The following CTNNA2 variants were observed in gnomAD, a reference collection of about 807,000 sequenced individuals.
The protein encoded by CTNNA2 is catenin alpha-2.
A neutral mutation model predicts 101.0 loss-of-function variants in CTNNA2; 42 were observed. The ratio of observed to expected loss-of-function variants is 0.42; its 90% CI spans 0.32 to 0.54. The LOEUF (loss-of-function observed/expected upper bound fraction) is 0.54. Among genes scored for constraint, CTNNA2 ranks in the 20% least tolerant of loss-of-function variants. CTNNA2 has a pLI of 0.14. For missense variants in CTNNA2, 871 were observed against 1,223.1 expected (o/e 0.71, Z 4.29); for synonymous variants, 450 against 456.4 (o/e 0.99, Z 0.18).
At chr2:80,151,407 G>A (rs1278901693) in intron 7 of CTNNA2, among the ~76,000 whole-genome samples, 1 of 152,122 alleles carries the variant, frequency 6.6e-6, no homozygotes, top group Non-Finnish European at 1.5e-5. Flanking sequence ...CTAATGACAA[G>A]CTATTGCTTC....
At chr2:80,599,004 T>C (rs1335301776) in intron 15 of CTNNA2, among the ~76,000 whole-genome samples, 1 of 152,144 alleles carries the variant, frequency 6.6e-6, no homozygotes, top group Non-Finnish European at 1.5e-5. Context: ...ATATTCCCTA[T>C]GGATTTTACC....
intron 8 of CTNNA2, among the ~76,000 whole-genome samples, chr2:80,394,547 C>G (rs1053673198): frequency 1.3e-5 from 2 of 152,174 alleles, no homozygotes; most frequent in African/African-American, 4.8e-5. Context: ...ATGGCCAGGT[C>G]TCTATCTCTT....
chr2:80,581,951 A>T, intron 14 of CTNNA2, 132 bp downstream of exon 14: 1 of 607,432 alleles, frequency 1.6e-6, no homozygotes, highest in Non-Finnish European at 3.0e-6. Flanking sequence ...CTCTCATCTG[A>T]GGTTGTTTAT....
intron 13 of CTNNA2, among the ~76,000 whole-genome samples, chr2:80,580,359 T>C (rs1197291838): frequency 1.3e-5 from 2 of 152,166 alleles, no homozygotes; most frequent in Non-Finnish European, 2.9e-5. Flanking sequence ...TTGGAAAGGA[T>C]CTTGATCTAA....
chr2:80,322,421 AC>A (rs1283121468), intron 7 of CTNNA2, among the ~76,000 whole-genome samples: 1 of 152,102 alleles, frequency 6.6e-6, no homozygotes, highest in Admixed American at 6.5e-5. Flanking sequence ...AAGCCAGTGA[AC>A]CTATTTACCA....
chr2:79,320,381 C>T (rs1676591934), intron 3 of CTNNA2, among the ~76,000 whole-genome samples: 1 of 151,648 alleles, frequency 6.6e-6, no homozygotes, highest in Admixed American at 6.6e-5. Context: ...GGACTTACCC[C>T]ACATACCAAA....
chr2:79,417,108 T>A (rs1039549029), intron 4 of CTNNA2, among the ~76,000 whole-genome samples: 3 of 152,116 alleles, frequency 2.0e-5, no homozygotes, highest in African/African-American at 7.2e-5. Flanking sequence ...CACTATAAAA[T>A]CTTTTGAGTG....
At chr2:79,647,124 T>C (rs1339475273) in intron 1 of CTNNA2, among the ~76,000 whole-genome samples, 1 of 152,192 alleles carries the variant, frequency 6.6e-6, no homozygotes, top group Non-Finnish European at 1.5e-5. Flanking sequence ...ATTGAGACTA[T>C]ATATCATTTT....
At chr2:80,545,821 G>T in intron 10 of CTNNA2, 86 bp from the exon 11 acceptor site, 2 of 1,369,168 alleles carry the variant, frequency 1.5e-6, no homozygotes, top group Non-Finnish European at 2.0e-6. Context: ...CGTACAGGGT[G>T]CATGGTTTTA....
chr2:79,625,496 T>C (rs1338220987), intron 1 of CTNNA2, among the ~76,000 whole-genome samples: 2 of 152,214 alleles, frequency 1.3e-5, no homozygotes, highest in Non-Finnish European at 2.9e-5. Flanking sequence ...ATGAAACTTT[T>C]GTTTCAGTTT....
At chr2:79,626,317 G>C (rs1679300090) in intron 1 of CTNNA2, among the ~76,000 whole-genome samples, 1 of 152,174 alleles carries the variant, frequency 6.6e-6, no homozygotes, top group South Asian at 2.1e-4. Flanking sequence ...CAGGATAAGG[G>C]ATGTGTGATT....
At chr2:80,595,500 G>T (rs1232877893) in intron 15 of CTNNA2, among the ~76,000 whole-genome samples, 2 of 152,060 alleles carry the variant, frequency 1.3e-5, no homozygotes, top group Non-Finnish European at 2.9e-5. Flanking sequence ...GGGATTTCCG[G>T]TACTATGTTG....
chr2:79,350,060 C>G (rs891316401), intron 3 of CTNNA2, among the ~76,000 whole-genome samples: 165 of 106,244 alleles, frequency 1.6e-3, no homozygotes, highest in Middle Eastern at 9.4e-3. Context: ...GACGACAGAG[C>G]GAGACTCCTT....
At chr2:79,365,980 AG>A (rs1180028789) in intron 3 of CTNNA2, among the ~76,000 whole-genome samples, 2 of 152,208 alleles carry the variant, frequency 1.3e-5, no homozygotes, top group East Asian at 3.9e-4. Context: ...GTTAATGTTC[AG>A]TTCATCCACC....
chr2:79,804,336 C>T (rs1676396468), intron 3 of CTNNA2, among the ~76,000 whole-genome samples: 1 of 152,170 alleles, frequency 6.6e-6, no homozygotes, highest in South Asian at 2.1e-4. Flanking sequence ...AAGGGAAACA[C>T]TGCTGATTTT....
intron 9 of CTNNA2, among the ~76,000 whole-genome samples, chr2:80,488,560 A>G (rs372247635): frequency 6.6e-6 from 1 of 152,338 alleles, no homozygotes; most frequent in South Asian, 2.1e-4. Context: ...AAGAGTTAAA[A>G]TCAATGCTAT....
intron 7 of CTNNA2, chr2:80,030,549 C>A (rs1451054768): frequency 6.6e-6 from 1 of 152,112 alleles, no homozygotes; most frequent in African/African-American, 2.4e-5. Flanking sequence ...CCTGAGTCTT[C>A]AGAGCTAAGG....
chr2:79,667,397 ATT>A (rs1489343028), intron 2 of CTNNA2, among the ~76,000 whole-genome samples: 2 of 152,144 alleles, frequency 1.3e-5, no homozygotes, highest in Admixed American at 6.5e-5. Flanking sequence ...ATAGACTTGT[ATT>A]TCAAAGGAAT....
chr2:80,025,438 A>C (rs1211669585), intron 7 of CTNNA2, among the ~76,000 whole-genome samples: 3 of 152,232 alleles, frequency 2.0e-5, no homozygotes, highest in Non-Finnish European at 4.4e-5. Context: ...CGCAAGTTTA[A>C]TAAAGGTGGC....
Sources: allele counts gnomAD v4.1 joint callset (sites outside exome capture counted in the v4.1 genomes callset), GRCh38; gene constraint gnomAD v4.1.1; transcripts MANE v1.5; gene names NCBI Gene and HGNC (gene_info 2026-07-23, HGNC 2026-07-21).